FAM222B: variants seen among roughly 807,000 people sequenced by gnomAD.
FAM222B encodes the protein protein FAM222B.
FAM222B carries 12 observed loss-of-function variants against 38.0 expected under a neutral mutation model. The observed-to-expected ratio is 0.32, with a 90% CI of 0.20 to 0.51. The LOEUF is 0.51. FAM222B is among the 20% of genes least tolerant of loss of function. FAM222B has a pLI of 0.97. For missense variants in FAM222B, 716 were observed against 754.2 expected (o/e 0.95, Z 0.59); for synonymous variants, 329 against 317.2 (o/e 1.04, Z -0.40).
chr17:28,763,470 A>G (rs1344083755), intron 2 of FAM222B, among the ~76,000 whole-genome samples: 3 of 152,276 alleles, frequency 2.0e-5, no homozygotes, highest in African/African-American at 7.2e-5. Context: ...ACTGCTGTCT[A>G]TTCCAGGATG....
chr17:28,815,461 G>A (rs924579272), intron 1 of FAM222B, among the ~76,000 whole-genome samples: 5 of 151,522 alleles, frequency 3.3e-5, no homozygotes, highest in South Asian at 2.1e-4. Flanking sequence ...TAATCCGCCC[G>A]ACTCGGCTTC....
At chr17:28,785,316 T>G (rs1172356962) in intron 1 of FAM222B, among the ~76,000 whole-genome samples, 1 of 152,222 alleles carries the variant, frequency 6.6e-6, no homozygotes. Flanking sequence ...GCATACTTAT[T>G]TTTTCATGAC....
intron 1 of FAM222B, among the ~76,000 whole-genome samples, chr17:28,820,905 G>C (rs1567885070): frequency 6.6e-6 from 1 of 151,332 alleles, no homozygotes; most frequent in South Asian, 2.1e-4. Flanking sequence ...CCTCCAAAGT[G>C]CTGGGATTAC....
At chr17:28,809,692 C>T (rs557235678) in intron 1 of FAM222B, among the ~76,000 whole-genome samples, 12 of 152,104 alleles carry the variant, frequency 7.9e-5, no homozygotes, top group African/African-American at 2.7e-4. Context: ...AAATATCGGG[C>T]GTGGAGGGGT....
At chr17:28,809,455 C>G (rs1462949634) in intron 1 of FAM222B, among the ~76,000 whole-genome samples, 1 of 152,080 alleles carries the variant, frequency 6.6e-6, no homozygotes, top group Non-Finnish European at 1.5e-5. Context: ...CCTCAACCAG[C>G]ACTATGCCCC....
intron 1 of FAM222B, among the ~76,000 whole-genome samples, chr17:28,773,341 G>A (rs1362541526): frequency 6.6e-6 from 1 of 151,604 alleles, no homozygotes; most frequent in Admixed American, 6.6e-5. Context: ...AATTAGCCGG[G>A]CGTGGTGGTG....
intron 1 of FAM222B, among the ~76,000 whole-genome samples, chr17:28,832,155 A>G (rs1825554550): frequency 6.6e-6 from 1 of 152,122 alleles, no homozygotes; most frequent in African/African-American, 2.4e-5. Flanking sequence ...GCGCCACTGC[A>G]CTCCAGCCTG....
intron 1 of FAM222B, among the ~76,000 whole-genome samples, chr17:28,814,211 G>A (rs1274295993): frequency 2.0e-5 from 3 of 151,676 alleles, no homozygotes; most frequent in Non-Finnish European, 2.9e-5. Context: ...AAGAAAACGG[G>A]GGTCAGGAAA....
chr17:28,785,542 ATAT>A (rs1171337203), intron 1 of FAM222B, among the ~76,000 whole-genome samples: 1 of 151,972 alleles, frequency 6.6e-6, no homozygotes, highest in Non-Finnish European at 1.5e-5. Context: ...GATGAGGATG[ATAT>A]TATTTTTGAG....
At chr17:28,771,319 T>A (rs1319953727) in intron 1 of FAM222B, among the ~76,000 whole-genome samples, 1 of 152,170 alleles carries the variant, frequency 6.6e-6, no homozygotes, top group African/African-American at 2.4e-5. Flanking sequence ...TACCTTTCAG[T>A]GTGTATCAAT....
chr17:28,794,237 G>A (rs62066829), intron 1 of FAM222B, among the ~76,000 whole-genome samples: 1 of 144,078 alleles, frequency 6.9e-6, no homozygotes, highest in African/African-American at 2.6e-5. Context: ...TTTTTTTTTG[G>A]AGACAGAGTC....
At chr17:28,815,189 A>T (rs1354456246) in intron 1 of FAM222B, among the ~76,000 whole-genome samples, 1 of 151,742 alleles carries the variant, frequency 6.6e-6, no homozygotes, top group Non-Finnish European at 1.5e-5. Context: ...AGGTAGGGAG[A>T]ACTGAAGAAG....
chr17:28,837,096 A>G (rs949019476), intron 1 of FAM222B, among the ~76,000 whole-genome samples: 1 of 152,114 alleles, frequency 6.6e-6, no homozygotes, highest in African/African-American at 2.4e-5. Context: ...AGCCTGGGTG[A>G]CAAGAGTGAG....
At chr17:28,851,425 T>C (rs2039180064) in intron 1 of FAM222B, among the ~76,000 whole-genome samples, 2 of 151,558 alleles carry the variant, frequency 1.3e-5, no homozygotes, top group Non-Finnish European at 2.9e-5. Context: ...CCCCACCTAC[T>C]TGGGAGCCTG....
Position 28,812,780 on chromosome 17 carries a change from C to A in FAM222B, c.-41+29902G>T, listed in dbSNP as rs940097437. Reference sequence around the variant, plus strand: ...CCCCTTGTCCCCTCCCACTTTCTGCCTGGGTACTAGGAGACCCCCCCCCAC... The same window carrying A: ...CCCCTTGTCCCCTCCCACTTTCTGCATGGGTACTAGGAGACCCCCCCCCAC... On this transcript the variant is annotated intron_variant, in intron 1 of 2. Transcript: ENST00000581407. Among the ~76,000 whole-genome samples, 3 of 151,536 alleles carry A rather than the reference C, an allele frequency of 2.0e-5. No individual in the cohort carries two copies. In the South Asian group the frequency reaches 6.2e-4, roughly 32 times the overall value.
intron 1 of FAM222B, among the ~76,000 whole-genome samples, chr17:28,797,565 G>C (rs1360227472): frequency 2.6e-5 from 4 of 152,058 alleles, no homozygotes; most frequent in Non-Finnish European, 4.4e-5. Context: ...ATTTGGACTA[G>C]ACCACTAGAA....
intron 1 of FAM222B, among the ~76,000 whole-genome samples, chr17:28,834,028 C>G (rs1211352972): frequency 6.6e-6 from 1 of 152,188 alleles, no homozygotes; most frequent in Non-Finnish European, 1.5e-5. Context: ...GCAATTTCAA[C>G]TCCATCTTTG....
intron 1 of FAM222B, 117 bp from the exon 2 acceptor site, chr17:28,766,824 T>A (rs1479397298): frequency 3.4e-6 from 2 of 591,990 alleles, no homozygotes; most frequent in African/African-American, 3.7e-5. Flanking sequence ...GCAATTTAAT[T>A]AGCAGTGTGT....
intron 1 of FAM222B, among the ~76,000 whole-genome samples, chr17:28,822,852 T>TATATACACAC (rs1567887950): frequency 9.9e-6 from 1 of 101,342 alleles, no homozygotes; most frequent in Non-Finnish European, 1.8e-5. Context: ...TATATATATA[T>TATATACACAC]ATATATATAT....
Sources: allele counts gnomAD v4.1 joint callset (sites outside exome capture counted in the v4.1 genomes callset), GRCh38; gene constraint gnomAD v4.1.1; transcripts MANE v1.5; gene names NCBI Gene and HGNC (gene_info 2026-07-23, HGNC 2026-07-21).